The following AGAP1 variants were observed in gnomAD, a reference collection of about 807,000 sequenced individuals.
AGAP1 encodes ArfGAP with GTPase domain, ankyrin repeat and PH domain 1.
A neutral mutation model predicts 105.3 loss-of-function variants in AGAP1; 29 were observed. That is an observed-to-expected ratio of 0.28 (90% CI 0.21 to 0.38). The LOEUF is 0.38. Among genes scored for constraint, AGAP1 ranks in the 10% least tolerant of loss-of-function variants. AGAP1 has a pLI of 1.00. For synonymous variants in AGAP1, 509 were observed against 485.9 expected, an observed-to-expected ratio of 1.05 and a Z score of -0.63; for missense variants, 998 against 1,165.1, an observed-to-expected ratio of 0.86 and a Z score of 2.09.
At chr2:235,749,640 C>T (rs143944872) in intron 5 of AGAP1, among the ~76,000 whole-genome samples, 1 of 152,092 alleles carries the variant, frequency 6.6e-6, no homozygotes, top group Admixed American at 6.5e-5. Context: ...GCGTTCTGCC[C>T]CAGGCAGTGC....
rs1952019626 is a variant in AGAP1, at chr2:235,732,656, C to T, written c.311-8307C>T. Among the ~76,000 whole-genome samples the T allele has an allele frequency of 6.6e-6, 1 of 152,146 alleles. No individual in the cohort carries two copies. The highest frequency in any genetic ancestry group is 2.1e-4 in the South Asian group (1 of 4,828). ...GGAGCCTTTGCATAATGTCCCCAGC[C>T]CTGCTCTTCAGCCTTCTTGGCTTGG... On this transcript the variant is annotated intron_variant, in intron 3 of 17. Transcript: ENST00000304032. The surrounding 1 kb of genome is among the most constrained non-coding windows in gnomAD (Gnocchi z 4.8).
intron 12 of AGAP1, among the ~76,000 whole-genome samples, chr2:235,950,207 C>T (rs903886703): frequency 3.3e-5 from 5 of 152,144 alleles, no homozygotes; most frequent in Non-Finnish European, 7.3e-5. Flanking sequence ...GTAAGAAACT[C>T]CCGCCAGTCT....
intron 1 of AGAP1, among the ~76,000 whole-genome samples, chr2:235,495,283 CG>C (rs1360369387): frequency 6.6e-6 from 1 of 152,202 alleles, no homozygotes; most frequent in Non-Finnish European, 1.5e-5. Flanking sequence ...GGGCGAGGCC[CG>C]GGCCGGCGTG....
At chr2:235,693,362 G>A (rs899098041) in intron 1 of AGAP1, among the ~76,000 whole-genome samples, 4 of 152,130 alleles carry the variant, frequency 2.6e-5, no homozygotes, top group African/African-American at 7.2e-5. Flanking sequence ...ATGATTGGAC[G>A]TGTTCTGCCC....
intron 1 of AGAP1, among the ~76,000 whole-genome samples, chr2:235,671,504 G>T (rs1354045223): frequency 6.6e-6 from 1 of 152,172 alleles, no homozygotes; most frequent in African/African-American, 2.4e-5. Flanking sequence ...TCCCTGCCTC[G>T]AGTCGTCTCC....
rs1318654368 is a variant in AGAP1 at position 236,061,795 on chromosome 2, T to G, written c.2114+12514T>G. On this transcript the variant is annotated intron_variant, in intron 16 of 17. Transcript: ENST00000304032. The surrounding 1 kb of genome is among the most constrained non-coding windows in gnomAD (Gnocchi z 4.1). ...TCTGGATTTACATAGTAGTGATGGTTGTACATCCTTGCAAATATACTAAAA... is the reference window on the plus strand; with the variant it reads ...TCTGGATTTACATAGTAGTGATGGTGGTACATCCTTGCAAATATACTAAAA... 1.3e-5 allele frequency among the ~76,000 whole-genome samples: 2 copies of G among 151,884 alleles called. No individual in the cohort carries two copies. The highest frequency in any genetic ancestry group is 4.8e-5 in the African/African-American group (2 of 41,326).
intron 10 of AGAP1, among the ~76,000 whole-genome samples, chr2:235,902,595 C>T (rs1031624007): frequency 2.0e-5 from 3 of 152,196 alleles, no homozygotes; most frequent in Admixed American, 6.6e-5. Flanking sequence ...GTTGCTAAGT[C>T]TTTGGAAGGT....
Position 236,119,202 on chromosome 2 carries a change from A to C in AGAP1, c.2115-990A>C, listed in dbSNP as rs898533831. ...GGCATCAGCATCATCCACTCTCCAC[A>C]CCTCCGACCCCATCCACCCCCTCCC... On this transcript the variant is annotated intron_variant, in intron 16 of 17. Coordinates refer to ENST00000304032, the MANE Select transcript of AGAP1 (RefSeq NM_001037131.3). This position sits in a 1 kb window ranked among gnomAD's most constrained non-coding sequence, Gnocchi z 6.6. 1.3e-5 allele frequency among the ~76,000 whole-genome samples: 2 copies of C among 150,770 alleles called. No individual in the cohort carries two copies. Among genetic ancestry groups the C allele is most frequent in the East Asian group, 2.0e-4 (1 of 5,098 alleles).
rs1019696234 is a variant in AGAP1 at position 235,883,166 on chromosome 2, C to T, written c.1051-179C>T. ...ATTATCCAAAAGATCTAGTGTAGCACGTCTCAATGTGTTTGTGTCGTATTT... is the reference window on the plus strand; with the variant it reads ...ATTATCCAAAAGATCTAGTGTAGCATGTCTCAATGTGTTTGTGTCGTATTT... On this transcript the variant is annotated intron_variant, in intron 9 of 17. Transcript: ENST00000304032. This position sits in a 1 kb window ranked among gnomAD's most constrained non-coding sequence, Gnocchi z 4.5. 3.3e-5 allele frequency among the ~76,000 whole-genome samples: 5 copies of T among 151,984 alleles called. 1 individual carries two copies. Among genetic ancestry groups the T allele is most frequent in the South Asian group, 4.2e-4 (2 of 4,816 alleles).
At chr2:235,944,899 T>C (rs2125232906) in intron 12 of AGAP1, among the ~76,000 whole-genome samples, 1 of 152,336 alleles carries the variant, frequency 6.6e-6, no homozygotes, top group Non-Finnish European at 1.5e-5. Flanking sequence ...AGTCAAGGTT[T>C]GGGTTATTAC....
intron 10 of AGAP1, among the ~76,000 whole-genome samples, chr2:235,898,281 G>A (rs183862358): frequency 2.6e-5 from 4 of 152,248 alleles, no homozygotes; most frequent in Admixed American, 2.6e-4. Context: ...AGGGAACGGG[G>A]CCTTTTGTTT....
At position 235,887,001 on chromosome 2, in the gene AGAP1, G is replaced by A. The variant is rs574258651; in HGVS notation, c.1155+3552G>A. Among the ~76,000 whole-genome samples the A allele has an allele frequency of 2.6e-5, 4 of 152,258 alleles. No homozygotes were observed. Among genetic ancestry groups the A allele is most frequent in the East Asian group, 3.9e-4 (2 of 5,180 alleles). Reference sequence around the variant, plus strand: ...GCATTCAATGGGACACCCACGAGCCGAATCCAGATTTTCCTTCATAAGAAA... The same window carrying A: ...GCATTCAATGGGACACCCACGAGCCAAATCCAGATTTTCCTTCATAAGAAA... On this transcript the variant is annotated intron_variant, in intron 10 of 17. Coordinates refer to ENST00000304032, the MANE Select transcript of AGAP1 (RefSeq NM_001037131.3). This position sits in a 1 kb window ranked among gnomAD's most constrained non-coding sequence, Gnocchi z 4.1.
chr2:236,094,493 A>G (rs1443441092), intron 16 of AGAP1, among the ~76,000 whole-genome samples: 1 of 151,752 alleles, frequency 6.6e-6, no homozygotes, highest in Non-Finnish European at 1.5e-5. Flanking sequence ...CTGCAAATAC[A>G]GGCACAGACT....
At chr2:235,786,763 T>A (rs1487508353) in intron 6 of AGAP1, among the ~76,000 whole-genome samples, 1 of 152,226 alleles carries the variant, frequency 6.6e-6, no homozygotes, top group Non-Finnish European at 1.5e-5. Context: ...AGCACAGCTC[T>A]CTTACTCTGA....
Position 235,739,657 on chromosome 2 carries a change from G to A in AGAP1, c.311-1306G>A, listed in dbSNP as rs1952458436. The stretch of plus-strand genomic sequence containing the variant: ...TGTGATGGTGGCATAGGTGTTGAGT[G>A]TGAGCACACGAGCATGGCAGGAGCT... On this transcript the variant is annotated intron_variant, in intron 3 of 17. Coordinates refer to ENST00000304032, the MANE Select transcript of AGAP1 (RefSeq NM_001037131.3). The surrounding 1 kb of genome is among the most constrained non-coding windows in gnomAD (Gnocchi z 5.3). Among the ~76,000 whole-genome samples, 1 of 152,282 alleles carries A rather than the reference G, an allele frequency of 6.6e-6. No homozygotes were observed. The highest frequency in any genetic ancestry group is 1.5e-5 in the Non-Finnish European group (1 of 68,050).
At position 235,891,560 on chromosome 2, in the gene AGAP1, T is replaced by C. The variant is rs915679717; in HGVS notation, c.1155+8111T>C. Among the ~76,000 whole-genome samples the C allele has an allele frequency of 1.3e-5, 2 of 152,148 alleles. No individual in the cohort carries two copies. Among genetic ancestry groups the C allele is most frequent in the Non-Finnish European group, 2.9e-5 (2 of 68,024 alleles). On this transcript the variant is annotated intron_variant, in intron 10 of 17. Coordinates refer to ENST00000304032, the MANE Select transcript of AGAP1 (RefSeq NM_001037131.3). This position sits in a 1 kb window ranked among gnomAD's most constrained non-coding sequence, Gnocchi z 4.2. ...TGAGAAAGAACTTGGACCTCAGGGC[T>C]TCACAGTTCAGCGTGGCCACCTATT...
intron 9 of AGAP1, among the ~76,000 whole-genome samples, chr2:235,857,878 G>A (rs963434659): frequency 3.9e-5 from 6 of 152,180 alleles, no homozygotes; most frequent in East Asian, 1.9e-4. Flanking sequence ...CAGGCCTATC[G>A]CCCTGTGCCA....
chr2:235,580,874 C>T (rs953593720), intron 1 of AGAP1, among the ~76,000 whole-genome samples: 3 of 152,116 alleles, frequency 2.0e-5, no homozygotes, highest in Non-Finnish European at 2.9e-5. Flanking sequence ...GGTTCTTGCT[C>T]TCGACCTTAG....
chr2:235,660,551 A>C lies in AGAP1; in HGVS notation c.164-48628A>C, dbSNP rs1342394340. Among the ~76,000 whole-genome samples, 1 of 152,056 alleles carries C rather than the reference A, an allele frequency of 6.6e-6. No individual in the cohort carries two copies. The highest frequency in any genetic ancestry group is 1.9e-4 in the East Asian group (1 of 5,164). ...GTGTGCACAGGTGTGCCCAGGTATG[A>C]GGGGAGAAGAAGGGGTCAGGGCCAG... On this transcript the variant is annotated intron_variant, in intron 1 of 17. Coordinates refer to ENST00000304032, the MANE Select transcript of AGAP1 (RefSeq NM_001037131.3). This position sits in a 1 kb window ranked among gnomAD's most constrained non-coding sequence, Gnocchi z 5.3.
Sources: allele counts gnomAD v4.1 joint callset (sites outside exome capture counted in the v4.1 genomes callset), GRCh38; gene constraint gnomAD v4.1.1; non-coding constraint Gnocchi (gnomAD v3.1); transcripts MANE v1.5; gene names NCBI Gene and HGNC (gene_info 2026-07-23, HGNC 2026-07-21).